The following PDZD2 variants were observed in gnomAD, a reference collection of about 807,000 sequenced individuals.
The protein encoded by PDZD2 is PDZ domain containing 2.
A neutral mutation model predicts 220.7 loss-of-function variants in PDZD2; 90 were observed. The ratio of observed to expected loss-of-function variants is 0.41; its 90% CI spans 0.34 to 0.49. The LOEUF is 0.49. Ranked by LOEUF, PDZD2 falls within the 20% of genes least tolerant of loss-of-function variation. The pLI is 0.28. For missense variants in PDZD2, 3,174 were observed against 3,608.5 expected (o/e 0.88, Z 3.08); for synonymous variants, 1,375 against 1,450.5 (o/e 0.95, Z 1.18).
intron 2 of PDZD2, among the ~76,000 whole-genome samples, chr5:31,854,698 C>T (rs1040528063): frequency 1.3e-5 from 2 of 152,124 alleles, no homozygotes; most frequent in Non-Finnish European, 2.9e-5. Flanking sequence ...CAGGAAGCTC[C>T]TGAGCCCTCG....
intron 6 of PDZD2, among the ~76,000 whole-genome samples, chr5:32,014,552 C>A (rs911737668): frequency 9.2e-5 from 14 of 152,116 alleles, no homozygotes; most frequent in African/African-American, 3.1e-4. Flanking sequence ...GACTCACCCC[C>A]ACTGTCACCA....
chr5:31,834,362 T>C (rs1756815468), intron 2 of PDZD2, among the ~76,000 whole-genome samples: 1 of 152,190 alleles, frequency 6.6e-6, no homozygotes, highest in Non-Finnish European at 1.5e-5. Context: ...AGCTTCTGCC[T>C]GAAGAGGGTT....
intron 1 of PDZD2, among the ~76,000 whole-genome samples, chr5:31,696,119 G>A (rs1031270573): frequency 1.3e-5 from 2 of 152,056 alleles, no homozygotes; most frequent in African/African-American, 4.8e-5. Flanking sequence ...GAGCATTGGT[G>A]GTGATGGGAA....
chr5:31,666,138 TGAG>T (rs927556137), intron 1 of PDZD2, among the ~76,000 whole-genome samples: 1 of 152,194 alleles, frequency 6.6e-6, no homozygotes, highest in African/African-American at 2.4e-5. Context: ...AAATGCCAGT[TGAG>T]GAGTGGGACA....
chr5:31,816,575 G>A (rs1755473288), intron 2 of PDZD2, among the ~76,000 whole-genome samples: 1 of 151,924 alleles, frequency 6.6e-6, no homozygotes, highest in African/African-American at 2.4e-5. Context: ...TTACAAAAAT[G>A]TTAACATTTG....
chr5:32,056,397 A>G (rs1176908312), intron 10 of PDZD2, among the ~76,000 whole-genome samples: 1 of 152,194 alleles, frequency 6.6e-6, no homozygotes. Context: ...GCTGCTTTGC[A>G]CTTTCTTATA....
intron 2 of PDZD2, among the ~76,000 whole-genome samples, chr5:31,964,851 G>C (rs957402170): frequency 4.6e-5 from 7 of 152,150 alleles, no homozygotes; most frequent in Admixed American, 3.3e-4. Flanking sequence ...GAGGAGCTGG[G>C]ACTACAGGCA....
chr5:32,010,255 G>A, intron 5 of PDZD2, 75 bp from the exon 6 acceptor site: 2 of 1,020,498 alleles, frequency 2.0e-6, no homozygotes, highest in Non-Finnish European at 2.9e-6. Flanking sequence ...TAGCTTGACT[G>A]TGCCAGGTTG....
At chr5:31,738,555 C>T (rs1369921248) in intron 1 of PDZD2, 1 of 152,242 alleles carries the variant, frequency 6.6e-6, no homozygotes, top group Non-Finnish European at 1.5e-5. Flanking sequence ...TGGAATGCTT[C>T]TCCTTCAAGC....
intron 1 of PDZD2, among the ~76,000 whole-genome samples, chr5:31,725,127 T>G (rs1470987012): frequency 6.6e-6 from 1 of 151,828 alleles, no homozygotes; most frequent in Non-Finnish European, 1.5e-5. Context: ...GGTCAAGAGT[T>G]CGAGACCAGC....
chr5:31,969,558 T>G (rs1321471549), intron 2 of PDZD2, among the ~76,000 whole-genome samples: 3 of 132,290 alleles, frequency 2.3e-5, no homozygotes, highest in African/African-American at 8.5e-5. Context: ...TCTCACAAAT[T>G]GAGATTTTGT....
At chr5:31,744,667 G>A (rs1276132429) in intron 1 of PDZD2, among the ~76,000 whole-genome samples, 2 of 151,476 alleles carry the variant, frequency 1.3e-5, no homozygotes, top group African/African-American at 2.4e-5. Context: ...CTCCTTTTTT[G>A]CATGCATAAT....
At chr5:32,077,933 G>A (rs139652732) in intron 19 of PDZD2, 28 of 133,906 alleles carry the variant, frequency 2.1e-4, no homozygotes, top group Non-Finnish European at 3.4e-4. Flanking sequence ...CTGCAGCCTG[G>A]GCAACAAGAG....
intron 1 of PDZD2, among the ~76,000 whole-genome samples, chr5:31,728,142 G>A (rs1749291985): frequency 6.6e-6 from 1 of 152,036 alleles, no homozygotes; most frequent in African/African-American, 2.4e-5. Flanking sequence ...TTTGGGTGGG[G>A]TGATTCTTTG....
intron 3 of PDZD2, among the ~76,000 whole-genome samples, chr5:31,984,212 T>A (rs1384503003): frequency 6.6e-6 from 1 of 152,192 alleles, no homozygotes; most frequent in Non-Finnish European, 1.5e-5. Context: ...CTAGGGAAGT[T>A]TGGAAGCTTG....
At chr5:31,778,130 G>A (rs1330808069) in intron 1 of PDZD2, among the ~76,000 whole-genome samples, 1 of 152,136 alleles carries the variant, frequency 6.6e-6, no homozygotes, top group Admixed American at 6.5e-5. Flanking sequence ...GAACTTTTAC[G>A]TCTAGCTGGA....
chr5:32,001,200 G>A (rs1179590917), intron 5 of PDZD2, among the ~76,000 whole-genome samples: 1 of 152,194 alleles, frequency 6.6e-6, no homozygotes, highest in Non-Finnish European at 1.5e-5. Context: ...GGGATGGAAA[G>A]GAAAGAACAG....
intron 1 of PDZD2, among the ~76,000 whole-genome samples, chr5:31,796,369 G>A (rs942464479): frequency 1.3e-5 from 2 of 152,156 alleles, no homozygotes; most frequent in African/African-American, 4.8e-5. Context: ...ACCCAGGGGC[G>A]CTCTCTCCCG....
At chr5:32,002,746 A>ACGAAC (rs1581249266) in intron 5 of PDZD2, among the ~76,000 whole-genome samples, 1 of 39,254 alleles carries the variant, frequency 2.5e-5, no homozygotes, top group African/African-American at 9.9e-5. Context: ...CCCACACACC[A>ACGAAC]ACACACACAC....
Sources: allele counts gnomAD v4.1 joint callset (sites outside exome capture counted in the v4.1 genomes callset), GRCh38; gene constraint gnomAD v4.1.1; transcripts MANE v1.5; gene names NCBI Gene and HGNC (gene_info 2026-07-23, HGNC 2026-07-21).